ORC4: variants seen among roughly 807,000 people sequenced by gnomAD.
The protein encoded by ORC4 is origin recognition complex, subunit 4 homolog.
Under a neutral mutation model 63.9 loss-of-function variants are expected in ORC4, and 55 were observed. The observed-to-expected ratio is 0.86, with a 90% confidence interval of 0.69 to 1.08. The LOEUF is 1.08. Ranked by LOEUF, ORC4 falls within the 50% of genes least tolerant of loss-of-function variation. The probability of loss-of-function intolerance (pLI) is 0.00; values close to 1 mark genes in which losing one functional copy is unlikely to be tolerated. For missense variants in ORC4, 511 were observed against 504.4 expected (o/e 1.01, Z -0.13); for synonymous variants, 150 against 168.5 (o/e 0.89, Z 0.85).
intron 1 of ORC4, among the ~76,000 whole-genome samples, chr2:148,020,423 G>A (rs1443787967): frequency 6.6e-6 from 1 of 152,126 alleles, no homozygotes; most frequent in Non-Finnish European, 1.5e-5. Flanking sequence ...GGATTCCTCG[G>A]CAAGCTCACG....
Position 147,987,366 on chromosome 2 carries a change from A to ATATATG in ORC4, c.-17-11392_-17-11391insCATATA, listed in dbSNP as rs1553458385. Among the ~76,000 whole-genome samples the ATATATG allele has an allele frequency of 7.7e-5, 9 of 116,406 alleles. No individual in the cohort carries two copies. The East Asian group carries it at 2.5e-3, about 32-fold the overall frequency. The allele number at this position is 116,406 out of a possible 152,430, so 76.4% of individuals were successfully genotyped here. ...GAACTTTCCATATATAGATATATAT[A>ATATATG]TGTGTGTGTGTGTGTGTATATATAT... On this transcript the variant is annotated intron_variant, in intron 1 of 13. Coordinates refer to ENST00000392857, the MANE Select transcript of ORC4 (RefSeq NM_181741.4).
At chr2:147,980,498 A>C (rs1466900309) in intron 1 of ORC4, among the ~76,000 whole-genome samples, 2 of 152,112 alleles carry the variant, frequency 1.3e-5, no homozygotes, top group African/African-American at 2.4e-5. Context: ...ACAAAAACAA[A>C]AACAACAACA....
At chr2:147,949,586 A>C (rs1037181675) in intron 8 of ORC4, among the ~76,000 whole-genome samples, 11 of 152,204 alleles carry the variant, frequency 7.2e-5, no homozygotes, top group Admixed American at 6.5e-4. Context: ...CTGTTTTAAA[A>C]ACAGTGACAT....
Position 147,934,410 on chromosome 2 carries a change from C to T in ORC4, c.*1100G>A, listed in dbSNP as rs1364735306. On this transcript the variant is annotated 3_prime_UTR_variant, in exon 14 of 14. Coordinates refer to ENST00000392857, the MANE Select transcript of ORC4 (RefSeq NM_181741.4). ...CTTTGACGGACATTTCCACATTCCT[C>T]ATAGGGATTTACTTTTTAATACAAA... The T allele has an allele frequency of 6.6e-6, 1 of 152,142 alleles. No homozygotes were observed. The highest frequency in any genetic ancestry group is 6.6e-5 in the Admixed American group (1 of 15,254). 9.4% of individuals were successfully genotyped at this position (152,142 alleles called of 1,614,324 possible).
At chr2:147,986,190 T>C (rs1691192880) in intron 1 of ORC4, among the ~76,000 whole-genome samples, 2 of 152,196 alleles carry the variant, frequency 1.3e-5, no homozygotes, top group South Asian at 2.1e-4. Context: ...TAATTAGGAA[T>C]TGTGCAGATA....
chr2:147,993,287 G>GT (rs1001251764), intron 1 of ORC4, among the ~76,000 whole-genome samples: 4 of 152,012 alleles, frequency 2.6e-5, no homozygotes, highest in African/African-American at 9.7e-5. Context: ...TGAAAGGGAA[G>GT]TTTTTTCTTG....
intron 4 of ORC4, among the ~76,000 whole-genome samples, chr2:147,960,748 G>A (rs764630510): frequency 6.6e-6 from 1 of 152,164 alleles, no homozygotes; most frequent in Admixed American, 6.5e-5. Context: ...CTAAGGGTCG[G>A]TACAGTGGGT....
chr2:147,936,396 G>T (rs989435944), intron 13 of ORC4: 1 of 151,344 alleles, frequency 6.6e-6, no homozygotes, highest in Non-Finnish European at 1.5e-5. Context: ...CTTGAGTGTT[G>T]TGTTAGGTAC....
chr2:147,977,338 G>A (rs1690621573), intron 1 of ORC4, among the ~76,000 whole-genome samples: 1 of 152,094 alleles, frequency 6.6e-6, no homozygotes, highest in Non-Finnish European at 1.5e-5. Flanking sequence ...CTTTTTTACT[G>A]CCAGAACTCA....
intron 7 of ORC4, among the ~76,000 whole-genome samples, chr2:147,954,198 A>G (rs1689121736): frequency 6.6e-6 from 1 of 152,164 alleles, no homozygotes; most frequent in Non-Finnish European, 1.5e-5. Context: ...AACTTAAGGG[A>G]AGAGAAAAAT....
intron 13 of ORC4, chr2:147,936,342 A>T (rs568318679): frequency 6.6e-6 from 1 of 152,664 alleles, no homozygotes; most frequent in African/African-American, 2.4e-5. Flanking sequence ...TTTCTTGTCT[A>T]CTTCCTCTTA....
Position 147,975,919 on chromosome 2 carries a change from T to A in ORC4, c.40A>T (p.Thr14Ser). 6.3e-7 allele frequency: 1 copy of A among 1,588,036 alleles called. No homozygotes were observed. The highest frequency in any genetic ancestry group is 8.6e-7 in the Non-Finnish European group (1 of 1,156,686). Residue 14 changes from threonine (T) to serine (S), a missense_variant, in exon 2 of 14, where the codon ACA becomes TCA. Thr to Ser is a moderately conservative substitution (Grantham distance 58, BLOSUM62 1). Coordinates refer to ENST00000392857, the MANE Select transcript of ORC4 (RefSeq NM_181741.4). Reference protein sequence around the residue: ...RKSKSNSLIHTECLSQVQRIL... With the variant: ...RKSKSNSLIHSECLSQVQRIL... The stretch of plus-strand genomic sequence containing the variant: ...ATACTAACCTGTGAAAGGCACTCTG[T>A]GTGAATTAAGCTGTTACTCTTTGAT...
intron 1 of ORC4, among the ~76,000 whole-genome samples, chr2:148,005,560 T>C (rs1198783801): frequency 6.6e-6 from 1 of 150,804 alleles, no homozygotes; most frequent in Non-Finnish European, 1.5e-5. Context: ...AAATAGACAT[T>C]GTTTTTCCTT....
intron 1 of ORC4, among the ~76,000 whole-genome samples, chr2:148,018,030 A>C (rs1215313420): frequency 6.6e-6 from 1 of 152,236 alleles, no homozygotes; most frequent in Non-Finnish European, 1.5e-5. Context: ...TGCTCCAAGC[A>C]CAGAGAAGAT....
In ORC4 at chr2:147,931,106, G is replaced by GTT. The variant is rs1687704590; in HGVS notation, c.*4402_*4403dup. 1 of 147,898 alleles carries GTT rather than the reference G, an allele frequency of 6.8e-6. No individual in the cohort carries two copies. The highest frequency in any genetic ancestry group is 2.0e-4 in the East Asian group (1 of 5,044). 9.2% of individuals were successfully genotyped at this position (147,898 alleles called of 1,614,324 possible). The stretch of plus-strand genomic sequence containing the variant: ...CCACCTATGAGTGAGAATATGCGGT[G>GTT]TTTGGTTTTTTGTTCTTGTGATAGT... On this transcript the variant is annotated 3_prime_UTR_variant, in exon 14 of 14. Transcript: ENST00000392857.
At position 148,008,762 on chromosome 2, in the gene ORC4, G is replaced by T. The variant is rs1692773238; in HGVS notation, c.-18+11871C>A. Among the ~76,000 whole-genome samples the T allele has an allele frequency of 2.0e-5, 3 of 152,184 alleles. No individual in the cohort carries two copies. In the South Asian group the frequency reaches 6.2e-4, roughly 32 times the overall value. On this transcript the variant is annotated intron_variant, in intron 1 of 13. Transcript: ENST00000392857. Reference sequence around the variant, plus strand: ...AATAGGGGAACGACAGAGCAGCAGGGGCCACATACGTCAGGGATTAGAACC... The same window carrying T: ...AATAGGGGAACGACAGAGCAGCAGGTGCCACATACGTCAGGGATTAGAACC...
At chr2:147,944,389 G>C (rs897045643) in intron 9 of ORC4, among the ~76,000 whole-genome samples, 21 of 152,004 alleles carry the variant, frequency 1.4e-4, no homozygotes, top group African/African-American at 5.1e-4. Context: ...TAGAGATCTA[G>C]AAAACAAGGG....
intron 13 of ORC4, chr2:147,936,368 T>A (rs967507135): frequency 6.6e-6 from 1 of 152,298 alleles, no homozygotes; most frequent in African/African-American, 2.4e-5. Context: ...AATATTCACC[T>A]ATTATATCTT....
At chr2:147,948,670 CTT>C (rs371088010) in intron 8 of ORC4, among the ~76,000 whole-genome samples, 4 of 140,898 alleles carry the variant, frequency 2.8e-5, no homozygotes, top group African/African-American at 5.2e-5. Flanking sequence ...TATCTTCCGG[CTT>C]TTTTTTTTTT....
Sources: allele counts gnomAD v4.1 joint callset (sites outside exome capture counted in the v4.1 genomes callset), GRCh38; gene constraint gnomAD v4.1.1; transcripts MANE v1.5; gene names NCBI Gene and HGNC (gene_info 2026-07-23, HGNC 2026-07-21).